The following AHCY variants were observed in gnomAD, a reference collection of about 807,000 sequenced individuals.
The protein encoded by AHCY is S-adenosyl-L-homocysteine hydrolase.
Under a neutral mutation model 45.4 loss-of-function variants are expected in AHCY, and 24 were observed. The observed-to-expected ratio is 0.53, with a 90% CI of 0.38 to 0.74. The LOEUF (loss-of-function observed/expected upper bound fraction) is 0.74. Among genes scored for constraint, AHCY ranks in the 30% least tolerant of loss-of-function variants. The pLI is 0.00. For synonymous variants in AHCY, 245 were observed against 235.1 expected (o/e 1.04, Z -0.39); for missense variants, 449 against 594.1 (o/e 0.76, Z 2.54).
At chr20:34,272,366 T>A in the AHCY span, among the ~76,000 whole-genome samples, 1 of 152,122 alleles carries the variant, frequency 6.6e-6, no homozygotes, top group Non-Finnish European at 1.5e-5. Context: ...AGGCAAACAA[T>A]CAGTTCTGCA....
the AHCY span, among the ~76,000 whole-genome samples, chr20:34,239,443 C>T: frequency 6.6e-6 from 1 of 152,190 alleles, no homozygotes; most frequent in African/African-American, 2.4e-5. Flanking sequence ...TCTCGAACTC[C>T]TGACCTCAGG....
chr20:34,294,557 G>A (rs1024959093), intron 2 of AHCY, among the ~76,000 whole-genome samples: 2 of 152,108 alleles, frequency 1.3e-5, no homozygotes, highest in African/African-American at 4.8e-5. Context: ...AGTTGGGAGT[G>A]GGGAGGAAAG....
At chr20:34,302,888 C>G in intron 1 of AHCY, 1 of 985,450 alleles carries the variant, frequency 1.0e-6, no homozygotes, top group Non-Finnish European at 1.2e-6. Context: ...CCGGTCCAGG[C>G]CTAGGAGGCC....
chr20:34,287,546 A>G (rs2036229069), intron 8 of AHCY, among the ~76,000 whole-genome samples: 1 of 151,986 alleles, frequency 6.6e-6, no homozygotes, highest in Admixed American at 6.6e-5. Flanking sequence ...ATGAGCCACC[A>G]TGCCCAGCTA....
chr20:34,266,710 T>G, the AHCY span, among the ~76,000 whole-genome samples: 37,419 of 152,134 alleles, frequency 0.25, 7,546 homozygotes, highest in African/African-American at 0.55. Context: ...AGGCAGATTA[T>G]AAAGTGTTAG....
the AHCY span, among the ~76,000 whole-genome samples, chr20:34,262,536 T>A: frequency 6.6e-6 from 1 of 152,166 alleles, no homozygotes; most frequent in African/African-American, 2.4e-5. Context: ...TGGCCCAAGC[T>A]CACTTAGGTC....
chr20:34,302,874 G>C, intron 1 of AHCY: 4 of 985,482 alleles, frequency 4.1e-6, no homozygotes, highest in Non-Finnish European at 3.6e-6. Flanking sequence ...CAGCTGGACA[G>C]GGTCCGGTCC....
chr20:34,268,690 C>T, the AHCY span, among the ~76,000 whole-genome samples: 1 of 151,592 alleles, frequency 6.6e-6, no homozygotes, highest in Admixed American at 6.6e-5. Context: ...GCCGAGATCG[C>T]GCCACTGCAG....
chr20:34,258,652 T>G, the AHCY span, among the ~76,000 whole-genome samples: 1 of 105,942 alleles, frequency 9.4e-6, no homozygotes, highest in East Asian at 2.7e-4. Context: ...ATTGAGGAGT[T>G]AATATCTTAG....
intron 1 of AHCY, chr20:34,302,064 A>G: frequency 1.2e-6 from 1 of 867,532 alleles, no homozygotes; most frequent in Non-Finnish European, 1.4e-6. Context: ...GTGGTGGTGC[A>G]ATCTCGGCTC....
the AHCY span, chr20:34,246,003 G>T: frequency 8.7e-7 from 1 of 1,143,314 alleles, no homozygotes; most frequent in Non-Finnish European, 1.3e-6. Flanking sequence ...TCTACTTCTG[G>T]CCATTTTTCT....
At chr20:34,299,509 T>C (rs1017545713) in intron 1 of AHCY, among the ~76,000 whole-genome samples, 2 of 152,202 alleles carry the variant, frequency 1.3e-5, no homozygotes, top group Non-Finnish European at 2.9e-5. Context: ...CTCTTATGTT[T>C]ACCAATTAAG....
chr20:34,269,946 T>TAAAAAAAA, the AHCY span, among the ~76,000 whole-genome samples: 19 of 59,238 alleles, frequency 3.2e-4, no homozygotes, highest in African/African-American at 1.1e-3. Flanking sequence ...AACTCTGTCT[T>TAAAAAAAA]AAAAAAAAAA....
chr20:34,257,999 C>T, the AHCY span, among the ~76,000 whole-genome samples: 2 of 152,046 alleles, frequency 1.3e-5, no homozygotes, highest in African/African-American at 4.8e-5. Flanking sequence ...CAAAAATTAG[C>T]TGGGCGTGGT....
chr20:34,249,433 G>A, the AHCY span, among the ~76,000 whole-genome samples: 1 of 151,956 alleles, frequency 6.6e-6, no homozygotes, highest in African/African-American at 2.4e-5. Context: ...ACTTTACTGA[G>A]TGTAATGTAA....
the AHCY span, among the ~76,000 whole-genome samples, chr20:34,247,190 T>C: frequency 6.6e-6 from 1 of 151,992 alleles, no homozygotes; most frequent in Non-Finnish European, 1.5e-5. Flanking sequence ...CTCTCCTAAA[T>C]AGCTATTTTT....
chr20:34,238,889 A>AT, the AHCY span, among the ~76,000 whole-genome samples: 3 of 152,140 alleles, frequency 2.0e-5, no homozygotes. Flanking sequence ...ACACTTTGCC[A>AT]TCCAAGCCTT....
At chr20:34,245,500 G>C in the AHCY span, among the ~76,000 whole-genome samples, 1 of 151,244 alleles carries the variant, frequency 6.6e-6, no homozygotes, top group African/African-American at 2.4e-5. Flanking sequence ...CGATTCTCAG[G>C]CCTCAGCCTC....
At chr20:34,253,896 T>C in the AHCY span, among the ~76,000 whole-genome samples, 1 of 152,306 alleles carries the variant, frequency 6.6e-6, no homozygotes, top group South Asian at 2.1e-4. Context: ...GAGAAACTCA[T>C]CTTAAGTCCT....
Sources: allele counts gnomAD v4.1 joint callset (sites outside exome capture counted in the v4.1 genomes callset), GRCh38; gene constraint gnomAD v4.1.1; transcripts MANE v1.5; gene names NCBI Gene and HGNC (gene_info 2026-07-23, HGNC 2026-07-21).